PCDH9: variants seen among roughly 807,000 people sequenced by gnomAD.
The protein encoded by PCDH9 is protocadherin 9.
Under a neutral mutation model 70.6 loss-of-function variants are expected in PCDH9, and 24 were observed. The ratio of observed to expected loss-of-function variants is 0.34; its 90% CI spans 0.25 to 0.48. PCDH9 has a LOEUF of 0.48. PCDH9 is among the 20% of genes least tolerant of loss of function. The probability of loss-of-function intolerance (pLI) is 0.99; values close to 1 mark genes in which losing one functional copy is unlikely to be tolerated. For synonymous variants in PCDH9, 562 were observed against 558.5 expected, an observed-to-expected ratio of 1.01 and a Z score of -0.09; for missense variants, 1,281 against 1,503.6, an observed-to-expected ratio of 0.85 and a Z score of 2.45.
At chr13:66,823,800 A>C (rs2080759947) in intron 3 of PCDH9, among the ~76,000 whole-genome samples, 1 of 152,068 alleles carries the variant, frequency 6.6e-6, no homozygotes, top group Non-Finnish European at 1.5e-5. Context: ...TGTACATTTT[A>C]TTTTCAGACC....
chr13:66,435,484 A>T (rs1957851441), intron 4 of PCDH9, among the ~76,000 whole-genome samples: 1 of 152,176 alleles, frequency 6.6e-6, no homozygotes, highest in African/African-American at 2.4e-5. Flanking sequence ...TTCTTATCAC[A>T]TGAGCCAACT....
chr13:66,304,852 G>A lies in PCDH9; in HGVS notation c.3517C>T (p.Leu1173Phe). 3 of 1,613,542 alleles carry A rather than the reference G, an allele frequency of 1.9e-6. No individual in the cohort carries two copies. The highest frequency in any genetic ancestry group is 1.7e-5 in the Admixed American group (1 of 59,878). The change falls in exon 5 of 5, where the codon CTT becomes TTT. Residue 1173 changes from leucine to phenylalanine, a missense_variant. Physicochemically the swap from Leu to Phe is conservative, Grantham distance 22 (BLOSUM62 0). This residue lies in a region of PCDH9 where 264 missense variants were observed against 278.8 expected (regional missense o/e 0.95). Coordinates refer to ENST00000377865, the MANE Select transcript of PCDH9 (RefSeq NM_203487.3). ...CTGGTCAGGGTGTGCCCATTCACAAGCTTGTCCTTCTTCACCCATTCTTTC... is the reference window on the plus strand; with the variant it reads ...CTGGTCAGGGTGTGCCCATTCACAAACTTGTCCTTCTTCACCCATTCTTTC... ...PQKEWVKKDK[L>F]VNGHTLTRAW...
At chr13:66,463,399 A>G (rs1219119057) in intron 4 of PCDH9, among the ~76,000 whole-genome samples, 1 of 151,848 alleles carries the variant, frequency 6.6e-6, no homozygotes, top group Non-Finnish European at 1.5e-5. Context: ...TTTCTTCTCC[A>G]ATTGTGCTTT....
chr13:66,549,601 A>G (rs1334476711), intron 4 of PCDH9, among the ~76,000 whole-genome samples: 1 of 152,090 alleles, frequency 6.6e-6, no homozygotes, highest in Admixed American at 6.6e-5. Context: ...CTTTTCTTTA[A>G]CTGACCTCTA....
chr13:67,071,553 T>C (rs907563310), intron 2 of PCDH9, among the ~76,000 whole-genome samples: 9 of 152,102 alleles, frequency 5.9e-5, no homozygotes, highest in African/African-American at 2.2e-4. Flanking sequence ...CACAAATTTA[T>C]TGAAAGTTTA....
rs55837718 is a variant in PCDH9, at chr13:66,304,260, CAAA to C, written c.*392_*394del. Reference sequence around the variant, plus strand: ...TAGCAGTCCCAGCACAAATCAATGACAAAAAAAAAAAAAAAAAAAAAAAAAAGC... The same window carrying C: ...TAGCAGTCCCAGCACAAATCAATGACAAAAAAAAAAAAAAAAAAAAAAAGC... On this transcript the variant is annotated 3_prime_UTR_variant, in exon 5 of 5. Coordinates refer to ENST00000377865, the MANE Select transcript of PCDH9 (RefSeq NM_203487.3). 70 of 65,492 alleles carry C rather than the reference CAAA, an allele frequency of 1.1e-3. No homozygotes were observed. The highest frequency in any genetic ancestry group is 2.6e-3 in the South Asian group (4 of 1,554). The allele number at this position is 65,492 out of a possible 1,614,324, so 4.1% of individuals were successfully genotyped here.
At chr13:66,567,892 A>C (rs1375486783) in intron 4 of PCDH9, among the ~76,000 whole-genome samples, 2 of 152,202 alleles carry the variant, frequency 1.3e-5, no homozygotes, top group African/African-American at 2.4e-5. Flanking sequence ...CACCTAATTT[A>C]GGACTACATT....
chr13:66,460,836 A>G lies in PCDH9; in HGVS notation c.3341-155808T>C, dbSNP rs1397444101. Among the ~76,000 whole-genome samples the G allele has an allele frequency of 2.6e-5, 4 of 151,812 alleles. No individual in the cohort carries two copies. The Admixed American group carries it at 2.6e-4, about 10-fold the overall frequency. On this transcript the variant is annotated intron_variant, in intron 4 of 4. Transcript: ENST00000377865. The stretch of plus-strand genomic sequence containing the variant: ...GTAAACCCTTCACTGGTGACATCCC[A>G]CCCTAATCATTTTAGAATCTCAGCA...
chr13:66,760,309 A>C (rs182173407), intron 3 of PCDH9, among the ~76,000 whole-genome samples: 34 of 151,988 alleles, frequency 2.2e-4, no homozygotes, highest in Admixed American at 3.9e-4. Flanking sequence ...AAAGTTTTTG[A>C]TTATAATATG....
intron 3 of PCDH9, among the ~76,000 whole-genome samples, chr13:66,749,213 C>A (rs960801771): frequency 6.6e-5 from 10 of 152,104 alleles, no homozygotes; most frequent in African/African-American, 2.4e-4. Flanking sequence ...ATCAACAAAT[C>A]AGATGATGTG....
At chr13:66,716,116 T>G (rs983861283) in intron 3 of PCDH9, among the ~76,000 whole-genome samples, 1 of 152,236 alleles carries the variant, frequency 6.6e-6, no homozygotes, top group Non-Finnish European at 1.5e-5. Context: ...GCATTCAGAA[T>G]AGGTTATATC....
chr13:67,050,949 T>C (rs2085309162), intron 2 of PCDH9, among the ~76,000 whole-genome samples: 1 of 152,188 alleles, frequency 6.6e-6, no homozygotes, highest in African/African-American at 2.4e-5. Flanking sequence ...TGTCAAGAGT[T>C]AGTAATAAAA....
intron 2 of PCDH9, among the ~76,000 whole-genome samples, chr13:67,011,401 T>A (rs1249713823): frequency 6.6e-6 from 1 of 151,924 alleles, no homozygotes; most frequent in Non-Finnish European, 1.5e-5. Context: ...TAATTACCAC[T>A]TTTCTAAAAT....
chr13:66,546,407 T>TA (rs1178468921), intron 4 of PCDH9, among the ~76,000 whole-genome samples: 10 of 152,024 alleles, frequency 6.6e-5, no homozygotes, highest in Non-Finnish European at 1.2e-4. Flanking sequence ...GTTCAAAAAT[T>TA]AAAAAACCAT....
At chr13:66,953,627 C>G (rs901855914) in intron 2 of PCDH9, among the ~76,000 whole-genome samples, 4 of 152,188 alleles carry the variant, frequency 2.6e-5, no homozygotes, top group African/African-American at 7.2e-5. Flanking sequence ...ACAAGTCTGT[C>G]CTACCCCTGC....
At chr13:66,509,805 A>G (rs1959378761) in intron 4 of PCDH9, among the ~76,000 whole-genome samples, 1 of 152,068 alleles carries the variant, frequency 6.6e-6, no homozygotes, top group Non-Finnish European at 1.5e-5. Flanking sequence ...TTCTAGTGAA[A>G]TTTTTGCTTT....
intron 3 of PCDH9, among the ~76,000 whole-genome samples, chr13:66,689,582 G>A (rs918848172): frequency 6.6e-6 from 1 of 152,136 alleles, no homozygotes; most frequent in Non-Finnish European, 1.5e-5. Flanking sequence ...TTCAGCAATA[G>A]TTATTGCCTT....
At chr13:67,042,842 C>A (rs2085148762) in intron 2 of PCDH9, among the ~76,000 whole-genome samples, 1 of 151,894 alleles carries the variant, frequency 6.6e-6, no homozygotes, top group Non-Finnish European at 1.5e-5. Context: ...ACTATGAGAA[C>A]CCTGTAGAGA....
chr13:66,973,170 T>A (rs1247352153), intron 2 of PCDH9, among the ~76,000 whole-genome samples: 1 of 151,966 alleles, frequency 6.6e-6, no homozygotes, highest in Non-Finnish European at 1.5e-5. Flanking sequence ...GCTCTACATT[T>A]TGTTCTTGTG....
Sources: gnomAD v4.1 joint callset for allele counts (sites outside exome capture counted in the v4.1 genomes callset) on GRCh38, gnomAD v4.1.1 for gene constraint, gnomAD v4.1.1 regional missense constraint, MANE v1.5 for transcripts, NCBI Gene and HGNC (gene_info 2026-07-23, HGNC 2026-07-21) for gene names.